The following KIFC3 variants were observed in gnomAD, a reference collection of about 807,000 sequenced individuals.
KIFC3 encodes the protein kinesin-like protein KIFC3.
A neutral mutation model predicts 101.8 loss-of-function variants in KIFC3; 60 were observed. The observed-to-expected ratio is 0.59, with a 90% CI of 0.48 to 0.73. The LOEUF is 0.73. KIFC3 is among the 30% of genes least tolerant of loss of function. The pLI is 0.00. For synonymous variants in KIFC3, 476 were observed against 482.7 expected (o/e 0.99, Z 0.18); for missense variants, 966 against 1,137.1 (o/e 0.85, Z 2.16).
intron 1 of KIFC3, among the ~76,000 whole-genome samples, chr16:57,861,577 C>A (rs779302945): frequency 6.6e-6 from 1 of 152,180 alleles, no homozygotes; most frequent in African/African-American, 2.4e-5. Flanking sequence ...GTGGACCCAG[C>A]GTCCACTTTC....
intron 1 of KIFC3, among the ~76,000 whole-genome samples, chr16:57,811,873 A>T (rs2055084468): frequency 6.9e-6 from 1 of 144,506 alleles, no homozygotes; most frequent in African/African-American, 2.6e-5. Flanking sequence ...CGAGATTGTG[A>T]TTGTGCCACT....
chr16:57,851,496 C>A (rs927515357), intron 1 of KIFC3, among the ~76,000 whole-genome samples: 6 of 151,322 alleles, frequency 4.0e-5, no homozygotes, highest in African/African-American at 4.8e-5. Context: ...TTTGAATATT[C>A]ATTTATTCAA....
chr16:57,836,105 C>T (rs536311812), intron 1 of KIFC3, among the ~76,000 whole-genome samples: 14 of 152,192 alleles, frequency 9.2e-5, no homozygotes, highest in East Asian at 5.8e-4. Context: ...CAAAGGGTGA[C>T]GCAGGAATTT....
At chr16:57,862,851 G>A (rs746460742) in exon 1 of KIFC3, 15 of 1,212,192 alleles carry the variant, frequency 1.2e-5, no homozygotes, top group East Asian at 5.7e-5. Context: ...CGAGCAATAC[G>A]TTTTACTGGG....
At chr16:57,788,291 G>A (rs1166203754) in intron 3 of KIFC3, among the ~76,000 whole-genome samples, 1 of 152,222 alleles carries the variant, frequency 6.6e-6, no homozygotes, top group African/African-American at 2.4e-5. Flanking sequence ...CAAAAAGCAG[G>A]GAAATTCAAC....
rs1555603521 is a variant in KIFC3, at chr16:57,766,945, T to C, written c.1259A>G (p.Glu420Gly). 1 of 1,613,224 alleles carries C rather than the reference T, an allele frequency of 6.2e-7. No individual in the cohort carries two copies. Residue 420 changes from glutamate to glycine, a missense_variant, in exon 10 of 20, where the codon GAG (glutamate) becomes GGG (glycine). This residue lies in a region of KIFC3 where 689 missense variants were observed against 884.6 expected (regional missense o/e 0.78). Coordinates refer to ENST00000445690, the MANE Select transcript of KIFC3 (RefSeq NM_001130100.2). ...AIEEVNSNNQ[E>G]LLRKYRRELQ... is the part of the protein sequence containing the mutation. ...CTCGCGGCGGTACTTGCGCAGCAGCTCCTGGTTGTTGCTGTTGACCTCCTC... is the reference window on the plus strand; with the variant it reads ...CTCGCGGCGGTACTTGCGCAGCAGCCCCTGGTTGTTGCTGTTGACCTCCTC...
At chr16:57,788,754 T>A in intron 3 of KIFC3, 3 of 1,285,760 alleles carry the variant, frequency 2.3e-6, no homozygotes, top group African/African-American at 1.5e-5. Flanking sequence ...AAGGAGACTG[T>A]GCCAGGGAAG....
At chr16:57,803,643 G>A (rs371342764), upstream of KIFC3, among the ~76,000 whole-genome samples, 1 of 152,228 alleles carries the variant, frequency 6.6e-6, no homozygotes, top group South Asian at 2.1e-4. Context: ...GCCTCAGATT[G>A]TTCTGGACGC....
Position 57,859,762 on chromosome 16 carries a change from T to C in KIFC3, c.108+2967A>G, listed in dbSNP as rs1011780105. 4.6e-5 allele frequency among the ~76,000 whole-genome samples: 7 copies of C among 152,110 alleles called. No homozygotes were observed. In the East Asian group the frequency reaches 1.4e-3, roughly 30 times the overall value. ...ATCAAGGCAGGGTGCAGTGACTCAC[T>C]TGTAATCCCAGCACTTCGGGAGGCT... On this transcript the variant is annotated intron_variant, in intron 1 of 2. Coordinates refer to the KIFC3 transcript ENST00000563028.
At chr16:57,808,899 A>C (rs982309532) in intron 1 of KIFC3, among the ~76,000 whole-genome samples, 1 of 152,236 alleles carries the variant, frequency 6.6e-6, no homozygotes, top group Non-Finnish European at 1.5e-5. Flanking sequence ...CCCTCAGCCC[A>C]GCATCTGGCA....
intron 3 of KIFC3, chr16:57,776,140 G>T: frequency 2.0e-6 from 2 of 985,472 alleles, no homozygotes; most frequent in South Asian, 4.7e-5. Flanking sequence ...CTCCCACCAA[G>T]CCCAGTCAAC....
intron 1 of KIFC3, among the ~76,000 whole-genome samples, chr16:57,855,746 G>A (rs2056151588): frequency 6.6e-6 from 1 of 151,922 alleles, no homozygotes; most frequent in South Asian, 2.1e-4. Context: ...AGGAGTTCGA[G>A]ACCAGCCTGG....
rs147541311 is a variant in KIFC3, at chr16:57,808,279, G to T, written c.109-9997C>A. On this transcript the variant is annotated intron_variant, in intron 1 of 2. Coordinates refer to the KIFC3 transcript ENST00000563028. ...AAGCACCAGGTAATAAAAAGATTTAGCAATAACCGCCCTGAGAGTAGCACG... is the reference window on the plus strand; with the variant it reads ...AAGCACCAGGTAATAAAAAGATTTATCAATAACCGCCCTGAGAGTAGCACG... Among the ~76,000 whole-genome samples the T allele has an allele frequency of 4.3e-4, 65 of 152,238 alleles. No homozygotes were observed. The East Asian group carries it at 0.012, about 27-fold the overall frequency.
At chr16:57,856,857 A>G (rs34450013) in intron 1 of KIFC3, among the ~76,000 whole-genome samples, 30,431 of 152,132 alleles carry the variant, frequency 0.2, 3,638 homozygotes, top group African/African-American at 0.33. Context: ...GACAGACTAA[A>G]TAGTCCTATA....
intron 1 of KIFC3, among the ~76,000 whole-genome samples, chr16:57,860,593 T>C (rs573617410): frequency 6.6e-6 from 1 of 152,326 alleles, no homozygotes; most frequent in Admixed American, 6.5e-5. Flanking sequence ...CTCACTTTCT[T>C]GGGAAAGAAT....
intron 1 of KIFC3, among the ~76,000 whole-genome samples, chr16:57,838,410 C>T (rs1008198429): frequency 6.6e-6 from 1 of 152,094 alleles, no homozygotes; most frequent in Non-Finnish European, 1.5e-5. Context: ...AAACATATCC[C>T]GGGAGTTCCA....
Position 57,775,045 on chromosome 16 carries a change from C to A in KIFC3, c.316-2757G>T. On this transcript the variant is annotated intron_variant, in intron 3 of 19. Coordinates refer to ENST00000445690, the MANE Select transcript of KIFC3 (RefSeq NM_001130100.2). ...CCTGATGCAGGGAGAGTGGGGTTTG[C>A]CAGTGTTTGCTGGGGGTGGGAGGCG... The A allele has an allele frequency of 2.0e-6, 3 of 1,521,898 alleles. No individual in the cohort carries two copies. In the Admixed American group the frequency reaches 6.3e-5, roughly 32 times the overall value. 94.3% of individuals were successfully genotyped at this position (1,521,898 alleles called of 1,614,324 possible).
intron 1 of KIFC3, among the ~76,000 whole-genome samples, chr16:57,810,302 C>T (rs980637693): frequency 5.9e-5 from 9 of 152,216 alleles, no homozygotes; most frequent in Middle Eastern, 3.2e-3. Context: ...GAACTCTTAG[C>T]ACCACTGCTG....
At chr16:57,785,340 G>A (rs2053208465) in intron 3 of KIFC3, 1 of 405,738 alleles carries the variant, frequency 2.5e-6, no homozygotes, top group African/African-American at 2.1e-5. Flanking sequence ...CGTATTCCAG[G>A]AAACGAGACC....
Sources: gnomAD v4.1 joint callset for allele counts (sites outside exome capture counted in the v4.1 genomes callset) on GRCh38, gnomAD v4.1.1 for gene constraint, gnomAD v4.1.1 regional missense constraint, MANE v1.5 for transcripts, NCBI Gene and HGNC (gene_info 2026-07-23, HGNC 2026-07-21) for gene names.